Variants in GSN observed in about 807,000 individuals in gnomAD.
GSN encodes the protein gelsolin.
In GSN, 56 loss-of-function variants were observed where a neutral mutation model predicts 85.7. That is an observed-to-expected ratio of 0.65 (90% CI 0.53 to 0.82). GSN has a LOEUF of 0.82. Ranked by LOEUF, GSN falls within the 40% of genes least tolerant of loss-of-function variation. The probability of loss-of-function intolerance (pLI) is 0.00; values close to 1 mark genes in which losing one functional copy is unlikely to be tolerated. For synonymous variants in GSN, 373 were observed against 399.1 expected (o/e 0.93, Z 0.78); for missense variants, 857 against 979.8 (o/e 0.87, Z 1.67).
chr9:121,222,556 T>G (rs2054189064), intron 4 of GSN, among the ~76,000 whole-genome samples: 1 of 152,230 alleles, frequency 6.6e-6, no homozygotes. Context: ...TACATTTATT[T>G]ATTGTACATT....
rs986143156 is a variant in GSN at position 121,314,095 on chromosome 9, C to G, written c.753+72C>G. On this transcript the variant is annotated intron_variant, in intron 7 of 17. Coordinates refer to ENST00000432226, the MANE Select transcript of GSN (RefSeq NM_198252.3). ...GAGGTGGAAGACTTGGTCTTCCCCA[C>G]TCCACTGCTATGGGACCTTGAGCAA... The G allele has an allele frequency of 8.5e-6, 10 of 1,179,280 alleles. No homozygotes were observed. In the African/African-American group the frequency reaches 1.5e-4, roughly 18 times the overall value. 73.1% of individuals were successfully genotyped at this position (1,179,280 alleles called of 1,614,324 possible). A position where few individuals can be genotyped will look rare whatever the true frequency, so the allele number is the denominator to read the frequency against.
At chr9:121,251,728 G>A (rs772684454) in intron 6 of GSN, among the ~76,000 whole-genome samples, 1 of 152,020 alleles carries the variant, frequency 6.6e-6, no homozygotes, top group Non-Finnish European at 1.5e-5. Flanking sequence ...GGAGGCTGAG[G>A]CAGGAAGATC....
At chr9:121,322,576 G>A (rs960955292) in intron 11 of GSN, among the ~76,000 whole-genome samples, 31 of 152,274 alleles carry the variant, frequency 2.0e-4, no homozygotes, top group African/African-American at 7.5e-4. Context: ...TCAGATTGCT[G>A]GGTCAAAGAG....
intron 4 of GSN, among the ~76,000 whole-genome samples, chr9:121,227,737 G>A (rs929186612): frequency 8.5e-5 from 13 of 152,292 alleles, no homozygotes; most frequent in South Asian, 4.1e-4. Flanking sequence ...GTTGTGTTGA[G>A]CGGTACATGA....
intron 6 of GSN, among the ~76,000 whole-genome samples, chr9:121,256,601 G>A (rs1298234288): frequency 6.6e-6 from 1 of 152,188 alleles, no homozygotes; most frequent in East Asian, 1.9e-4. Context: ...TTCTAGGCTG[G>A]GCTCGGTGGC....
chr9:121,265,924 A>G (rs1264064271), upstream of GSN, among the ~76,000 whole-genome samples: 1 of 152,232 alleles, frequency 6.6e-6, no homozygotes, highest in Non-Finnish European at 1.5e-5. Context: ...GTTGAGTCAT[A>G]AAGCAAAGCA....
At chr9:121,286,056 C>T (rs1294865145) in intron 2 of GSN, 33 of 1,479,622 alleles carry the variant, frequency 2.2e-5, no homozygotes, top group Non-Finnish European at 2.6e-5. Flanking sequence ...CAGCTATTTC[C>T]AGACTAATCC....
At chr9:121,243,081 C>T (rs1324585540) in intron 5 of GSN, among the ~76,000 whole-genome samples, 1 of 152,182 alleles carries the variant, frequency 6.6e-6, no homozygotes, top group Admixed American at 6.5e-5. Flanking sequence ...TGGAGTTCAG[C>T]AGTCTCCCTG....
intron 2 of GSN, among the ~76,000 whole-genome samples, chr9:121,292,053 C>T (rs1248004143): frequency 2.6e-5 from 4 of 152,138 alleles, no homozygotes; most frequent in Admixed American, 6.5e-5. Flanking sequence ...CATGTCATCA[C>T]GCCTGGCTAA....
At chr9:121,236,234 C>T (rs534416975) in intron 5 of GSN, among the ~76,000 whole-genome samples, 2 of 151,992 alleles carry the variant, frequency 1.3e-5, no homozygotes, top group South Asian at 4.2e-4. Flanking sequence ...TTTGTTTTTT[C>T]CCCAAGACAG....
At chr9:121,245,547 G>C (rs1435781897) in intron 5 of GSN, among the ~76,000 whole-genome samples, 7 of 152,100 alleles carry the variant, frequency 4.6e-5, no homozygotes, top group Admixed American at 4.6e-4. Flanking sequence ...TATTATTAGA[G>C]ACAAGGTCTC....
chr9:121,321,089 A>G, intron 10 of GSN, among the ~76,000 whole-genome samples, 179 bp from the exon 11 acceptor site: 1 of 152,240 alleles, frequency 6.6e-6, no homozygotes, highest in Admixed American at 6.5e-5. Flanking sequence ...CCAGAGTCCC[A>G]GCCCTGCCTT....
chr9:121,324,747 GTCTGTCCA>G (rs1249833525), intron 12 of GSN, 103 bp downstream of exon 12: 11 of 700,414 alleles, frequency 1.6e-5, no homozygotes, highest in African/African-American at 3.5e-5. Flanking sequence ...CCATCTGTCT[GTCTGTCCA>G]TCCATCCATC....
intron 2 of GSN, among the ~76,000 whole-genome samples, chr9:121,290,628 A>G (rs1392628482): frequency 6.6e-6 from 1 of 152,242 alleles, no homozygotes; most frequent in African/African-American, 2.4e-5. Context: ...AAAGGTTACT[A>G]TAGTGCAGCA....
chr9:121,249,874 A>G (rs2054780644), intron 6 of GSN, among the ~76,000 whole-genome samples: 1 of 152,222 alleles, frequency 6.6e-6, no homozygotes, highest in South Asian at 2.1e-4. Flanking sequence ...AATGGAAACT[A>G]GGTGGCTTTG....
intron 2 of GSN, among the ~76,000 whole-genome samples, chr9:121,291,662 C>T (rs2058706335): frequency 6.6e-6 from 1 of 152,066 alleles, no homozygotes; most frequent in African/African-American, 2.4e-5. Flanking sequence ...TCAAGTGATC[C>T]ACCTGCCTCC....
intron 4 of GSN, among the ~76,000 whole-genome samples, chr9:121,230,684 G>T (rs1291895037): frequency 6.6e-6 from 1 of 152,116 alleles, no homozygotes; most frequent in Non-Finnish European, 1.5e-5. Flanking sequence ...CCACCTCATA[G>T]TTAAATGGGT....
At chr9:121,277,855 T>C (rs2056861634) in intron 1 of GSN, among the ~76,000 whole-genome samples, 1 of 152,114 alleles carries the variant, frequency 6.6e-6, no homozygotes, top group Non-Finnish European at 1.5e-5. Flanking sequence ...CCCCAGTCTG[T>C]TTTTGTATGC....
At chr9:121,297,073 G>T (rs142621622) in intron 2 of GSN, among the ~76,000 whole-genome samples, 529 of 152,334 alleles carry the variant, frequency 3.5e-3, no homozygotes, top group African/African-American at 0.012. Flanking sequence ...GCTGGCCCAG[G>T]TTCAGTCTGG....
Sources: allele counts gnomAD v4.1 joint callset (sites outside exome capture counted in the v4.1 genomes callset), GRCh38; gene constraint gnomAD v4.1.1; transcripts MANE v1.5; gene names NCBI Gene and HGNC (gene_info 2026-07-23, HGNC 2026-07-21).